Variants in RHBDD1 observed in about 807,000 individuals in gnomAD.
The protein encoded by RHBDD1 is rhomboid-related protein 4.
A neutral mutation model predicts 36.3 loss-of-function variants in RHBDD1; 38 were observed. The ratio of observed to expected loss-of-function variants is 1.05; its 90% CI spans 0.81 to 1.37. The LOEUF (loss-of-function observed/expected upper bound fraction) is 1.37, where lower values mean the gene tolerates loss of function less well. RHBDD1 is among the 40% of genes most tolerant of loss of function. RHBDD1 has a pLI of 0.00. For synonymous variants in RHBDD1, 151 were observed against 136.5 expected, an observed-to-expected ratio of 1.11 and a Z score of -0.74; for missense variants, 393 against 377.6, an observed-to-expected ratio of 1.04 and a Z score of -0.34.
chr2:226,879,541 C>T (rs764092595), intron 5 of RHBDD1, among the ~76,000 whole-genome samples: 3 of 151,968 alleles, frequency 2.0e-5, no homozygotes, highest in Non-Finnish European at 2.9e-5. Flanking sequence ...CAGTTATAAA[C>T]AAAGTTATTA....
chr2:226,836,959 G>A (rs752462826), intron 1 of RHBDD1, among the ~76,000 whole-genome samples: 3 of 152,200 alleles, frequency 2.0e-5, no homozygotes, highest in Non-Finnish European at 4.4e-5. Flanking sequence ...AGGACGCTAG[G>A]ATCAGCATCA....
At chr2:226,904,275 G>A (rs544873099) in intron 5 of RHBDD1, among the ~76,000 whole-genome samples, 2 of 152,290 alleles carry the variant, frequency 1.3e-5, no homozygotes, top group African/African-American at 2.4e-5. Flanking sequence ...ACCCCTGGAC[G>A]TTGCCGTGAG....
intron 4 of RHBDD1, 61 bp from the exon 5 acceptor site, chr2:226,867,125 T>C: frequency 1.4e-6 from 2 of 1,461,314 alleles, no homozygotes; most frequent in Non-Finnish European, 1.9e-6. Context: ...ACTTTCTTTG[T>C]AAATGTTGAT....
intron 8 of RHBDD1, among the ~76,000 whole-genome samples, chr2:226,918,294 C>T (rs1188610595): frequency 1.3e-5 from 2 of 151,866 alleles, no homozygotes; most frequent in Non-Finnish European, 2.9e-5. Context: ...TATCCATCAC[C>T]TCAAGCATTT....
chr2:226,803,123 G>A, the RHBDD1 span, among the ~76,000 whole-genome samples: 137 of 152,280 alleles, frequency 9.0e-4, no homozygotes, highest in Middle Eastern at 0.01. Context: ...TTAGAACAGT[G>A]CTTGAAGGAC....
intron 5 of RHBDD1, among the ~76,000 whole-genome samples, chr2:226,877,415 C>T (rs1440216524): frequency 6.6e-6 from 1 of 152,184 alleles, no homozygotes; most frequent in East Asian, 1.9e-4. Context: ...AGCTGTCAAG[C>T]TCACAGTGCC....
At chr2:226,929,369 T>G (rs536517751) in intron 8 of RHBDD1, among the ~76,000 whole-genome samples, 1 of 152,140 alleles carries the variant, frequency 6.6e-6, no homozygotes, top group East Asian at 1.9e-4. Context: ...TAAATGTGAT[T>G]CATCACACAA....
chr2:226,869,816 C>T (rs937030803), intron 5 of RHBDD1, among the ~76,000 whole-genome samples: 5 of 152,138 alleles, frequency 3.3e-5, no homozygotes, highest in Non-Finnish European at 7.3e-5. Context: ...CATTTTCCTT[C>T]GTGTCCTGAG....
At chr2:226,924,643 A>T (rs1384566590) in intron 8 of RHBDD1, among the ~76,000 whole-genome samples, 4 of 152,212 alleles carry the variant, frequency 2.6e-5, no homozygotes, top group African/African-American at 9.7e-5. Context: ...TTAGGACCCC[A>T]GAGCACTTTT....
intron 5 of RHBDD1, among the ~76,000 whole-genome samples, chr2:226,870,816 G>T (rs1489881242): frequency 6.6e-6 from 1 of 152,192 alleles, no homozygotes; most frequent in African/African-American, 2.4e-5. Flanking sequence ...TATTTGTTAA[G>T]TGGAAGTGGA....
At chr2:226,979,548 CTCA>C (rs948603763) in intron 8 of RHBDD1, among the ~76,000 whole-genome samples, 27 of 152,190 alleles carry the variant, frequency 1.8e-4, no homozygotes, top group African/African-American at 6.5e-4. Flanking sequence ...ACTTGGCTGG[CTCA>C]TCATATTCAA....
At chr2:226,895,575 G>A (rs1273171804) in intron 5 of RHBDD1, 7 of 624,532 alleles carry the variant, frequency 1.1e-5, no homozygotes, top group Non-Finnish European at 1.4e-5. Context: ...CCCAATTAAG[G>A]GAGTCGGGGG....
chr2:226,925,376 G>A (rs117072677), intron 8 of RHBDD1, among the ~76,000 whole-genome samples: 2 of 152,146 alleles, frequency 1.3e-5, no homozygotes, highest in African/African-American at 2.4e-5. Flanking sequence ...TGGTTTCATT[G>A]TAAAATGGAA....
In RHBDD1 at chr2:226,880,611, C is replaced by G. The variant is rs558994455; in HGVS notation, c.566+13293C>G. 3.3e-4 allele frequency among the ~76,000 whole-genome samples: 50 copies of G among 152,280 alleles called. 1 individual carries two copies. Among genetic ancestry groups the G allele is most frequent in the African/African-American group, 1.2e-3 (48 of 41,562 alleles). ...TGAAGTCCAATTCTGTGGAGAGAGA[C>G]AGAAGCCCCAGCCCTGTCCTGAACA... On this transcript the variant is annotated intron_variant, in intron 5 of 8. Transcript: ENST00000392062.
the RHBDD1 span, among the ~76,000 whole-genome samples, chr2:226,806,193 G>T: frequency 1.3e-5 from 2 of 152,160 alleles, no homozygotes; most frequent in African/African-American, 4.8e-5. Flanking sequence ...TCTGTGGATT[G>T]GGAAGATACA....
At chr2:226,900,559 T>G (rs975664672) in intron 5 of RHBDD1, among the ~76,000 whole-genome samples, 3 of 152,180 alleles carry the variant, frequency 2.0e-5, no homozygotes, top group African/African-American at 7.2e-5. Flanking sequence ...AATAATATAT[T>G]TATTGTTTTG....
chr2:226,853,530 C>T (rs990984534), intron 3 of RHBDD1, among the ~76,000 whole-genome samples: 1 of 152,210 alleles, frequency 6.6e-6, no homozygotes, highest in Non-Finnish European at 1.5e-5. Flanking sequence ...GGCGGAACAG[C>T]ACTGTCTGGT....
intron 8 of RHBDD1, among the ~76,000 whole-genome samples, chr2:226,956,245 C>T (rs1039690965): frequency 3.9e-5 from 6 of 152,244 alleles, no homozygotes; most frequent in South Asian, 4.2e-4. Flanking sequence ...AAGCCGTGCC[C>T]GCCTCCATCC....
intron 3 of RHBDD1, among the ~76,000 whole-genome samples, chr2:226,841,825 C>G (rs1941668862): frequency 6.6e-6 from 1 of 152,112 alleles, no homozygotes; most frequent in African/African-American, 2.4e-5. Context: ...AATGGCAATG[C>G]TGGGTCTAAT....
Sources: gnomAD v4.1 joint callset for allele counts (sites outside exome capture counted in the v4.1 genomes callset) on GRCh38, gnomAD v4.1.1 for gene constraint, MANE v1.5 for transcripts, NCBI Gene and HGNC (gene_info 2026-07-23, HGNC 2026-07-21) for gene names.